The following HSD11B1 variants were observed in gnomAD, a reference collection of about 807,000 sequenced individuals.
HSD11B1 encodes the protein 11-beta-hydroxysteroid dehydrogenase 1.
Under a neutral mutation model 22.1 loss-of-function variants are expected in HSD11B1, and 15 were observed. The ratio of observed to expected loss-of-function variants is 0.68; its 90% CI spans 0.45 to 1.04. HSD11B1 has a LOEUF of 1.04. HSD11B1 is among the 50% of genes least tolerant of loss of function. The pLI, the probability that HSD11B1 is intolerant of heterozygous loss-of-function variation, is 0.00. For missense variants in HSD11B1, 281 were observed against 357.6 expected (o/e 0.79, Z 1.73); for synonymous variants, 122 against 125.2 (o/e 0.97, Z 0.17).
chr1:209,697,688 G>A (rs2076798658), intron 1 of HSD11B1, among the ~76,000 whole-genome samples: 1 of 152,048 alleles, frequency 6.6e-6, no homozygotes, highest in African/African-American at 2.4e-5. Context: ...TGGCCAGGAT[G>A]CTGGGCTCCA....
upstream of HSD11B1, among the ~76,000 whole-genome samples, chr1:209,701,145 G>A (rs181509681): frequency 7.2e-5 from 11 of 152,102 alleles, no homozygotes; most frequent in East Asian, 1.2e-3. Flanking sequence ...CACTCTACTC[G>A]TACCAATTTA....
At chr1:209,731,712 G>C (rs925746446) in intron 4 of HSD11B1, among the ~76,000 whole-genome samples, 1 of 152,078 alleles carries the variant, frequency 6.6e-6, no homozygotes, top group African/African-American at 2.4e-5. Flanking sequence ...GCAAAGACAG[G>C]ATTCTGTTTT....
intron 4 of HSD11B1, among the ~76,000 whole-genome samples, chr1:209,727,984 T>A (rs1026009327): frequency 6.6e-6 from 1 of 152,192 alleles, no homozygotes; most frequent in East Asian, 1.9e-4. Context: ...TTCAAGCCAG[T>A]GTGCATATTC....
At chr1:209,731,135 T>G (rs1571888516) in intron 4 of HSD11B1, among the ~76,000 whole-genome samples, 1 of 152,360 alleles carries the variant, frequency 6.6e-6, no homozygotes, top group East Asian at 1.9e-4. Flanking sequence ...AGAGTCACAG[T>G]GGAGAAACAC....
In HSD11B1 at chr1:209,706,418, T is replaced by A. The variant is rs2076859190; in HGVS notation, c.220-291T>A. 6.6e-6 allele frequency among the ~76,000 whole-genome samples: 1 copy of A among 152,164 alleles called. No individual in the cohort carries two copies. On this transcript the variant is annotated intron_variant, in intron 2 of 5. Coordinates refer to ENST00000367027, the MANE Select transcript of HSD11B1 (RefSeq NM_005525.4). This position sits in a 1 kb window ranked among gnomAD's most constrained non-coding sequence, Gnocchi z 4.0. Reference sequence around the variant, plus strand: ...ACATAGTAACCAGCATCTACACTCATAATGCCCTCAGAAATGCCTATTCAC... The same window carrying A: ...ACATAGTAACCAGCATCTACACTCAAAATGCCCTCAGAAATGCCTATTCAC...
At chr1:209,695,457 TC>T (rs1330389334) in intron 1 of HSD11B1, among the ~76,000 whole-genome samples, 1 of 152,078 alleles carries the variant, frequency 6.6e-6, no homozygotes, top group Non-Finnish European at 1.5e-5. Context: ...GAAATAGAGA[TC>T]AATGGGAAAT....
chr1:209,734,345 G>A lies in HSD11B1; in HGVS notation c.703G>A (p.Ala235Thr), dbSNP rs776120284. 1 of 1,614,100 alleles carries A rather than the reference G, an allele frequency of 6.2e-7. No individual in the cohort carries two copies. Among genetic ancestry groups the A allele is most frequent in the South Asian group, 1.1e-5 (1 of 91,088 alleles). The change falls in exon 6 of 6, where the codon GCA becomes ACA. Residue 235 changes from alanine to threonine, a missense_variant. By Grantham distance (58) the Ala-to-Thr change is moderately conservative (BLOSUM62 0). Transcript: ENST00000367027. Reference protein sequence around the residue: ...KAVSGIVHMQAAPKEECALEI... With the variant: ...KAVSGIVHMQTAPKEECALEI... ...AGTTTCTGGGATAGTCCATATGCAA[G>A]CAGCTCCAAAGGAGGAATGTGCCCT...
upstream of HSD11B1, among the ~76,000 whole-genome samples, chr1:209,703,152 T>C (rs574871848): frequency 6.6e-6 from 1 of 152,340 alleles, no homozygotes; most frequent in South Asian, 2.1e-4. Context: ...GTTTTCTTAA[T>C]GGACTTTAAA....
intron 1 of HSD11B1, among the ~76,000 whole-genome samples, chr1:209,705,367 G>A (rs2076850793): frequency 7.1e-6 from 1 of 139,940 alleles, no homozygotes; most frequent in African/African-American, 2.8e-5. Flanking sequence ...CTGATAAGTG[G>A]GAGGCAAAAA....
Position 209,732,416 on chromosome 1 carries a change from T to C in HSD11B1, c.518-20T>C. ...GAAATGGGCAGCCTTATTAACCCAT[T>C]TCTTTAATCTGTCATTTAGGGAAAG... is the stretch of plus-strand genomic sequence containing the variant. On this transcript the variant is annotated intron_variant, in intron 4 of 5. Transcript: ENST00000367027. The C allele has an allele frequency of 6.2e-7, 1 of 1,614,012 alleles. No individual in the cohort carries two copies. Among genetic ancestry groups the C allele is most frequent in the Admixed American group, 1.7e-5 (1 of 60,010 alleles).
intron 1 of HSD11B1, among the ~76,000 whole-genome samples, chr1:209,690,589 C>G (rs1015590897): frequency 2.6e-5 from 4 of 151,890 alleles, no homozygotes; most frequent in African/African-American, 4.8e-5. Context: ...CCCATCTACT[C>G]AGGAGGCTGA....
chr1:209,708,568 G>A (rs1404032057), intron 4 of HSD11B1, among the ~76,000 whole-genome samples: 1 of 152,202 alleles, frequency 6.6e-6, no homozygotes, highest in Non-Finnish European at 1.5e-5. Flanking sequence ...GCTTCCAGAT[G>A]CATACTGAGT....
intron 4 of HSD11B1, among the ~76,000 whole-genome samples, chr1:209,707,552 G>A (rs1301363154): frequency 3.3e-5 from 5 of 151,978 alleles, no homozygotes; most frequent in Admixed American, 6.6e-5. Context: ...TGAGAGGCAC[G>A]CATCCTGAGT....
At chr1:209,720,135 C>G (rs967484325) in intron 4 of HSD11B1, among the ~76,000 whole-genome samples, 1 of 151,644 alleles carries the variant, frequency 6.6e-6, no homozygotes, top group African/African-American at 2.4e-5. Flanking sequence ...TAAGTACCAC[C>G]CGAAAAACAA....
intron 4 of HSD11B1, among the ~76,000 whole-genome samples, chr1:209,729,486 A>G (rs2077022932): frequency 6.6e-6 from 1 of 152,086 alleles, no homozygotes; most frequent in African/African-American, 2.4e-5. Flanking sequence ...CCTTCCTTCT[A>G]TCTAAACTAT....
chr1:209,713,618 C>G (rs1456603190), intron 4 of HSD11B1, among the ~76,000 whole-genome samples: 2 of 152,128 alleles, frequency 1.3e-5, no homozygotes, highest in South Asian at 2.1e-4. Context: ...TACCAAAATC[C>G]ATGGATGCTC....
chr1:209,696,967 A>G (rs1284468108), intron 1 of HSD11B1, among the ~76,000 whole-genome samples: 1 of 152,194 alleles, frequency 6.6e-6, no homozygotes, highest in African/African-American at 2.4e-5. Flanking sequence ...AAGATTCAGA[A>G]TTTTTTGCAT....
chr1:209,718,973 T>G (rs1473157232), intron 4 of HSD11B1, among the ~76,000 whole-genome samples: 1 of 121,590 alleles, frequency 8.2e-6, no homozygotes, highest in East Asian at 2.8e-4. Context: ...TGAGCCAAGA[T>G]CATGCCACTG....
chr1:209,719,541 GC>G (rs2076952103), intron 4 of HSD11B1, among the ~76,000 whole-genome samples: 1 of 152,172 alleles, frequency 6.6e-6, no homozygotes. Context: ...TGTACTGAAT[GC>G]CCCCGAACTG....
Sources: gnomAD v4.1 joint callset for allele counts (sites outside exome capture counted in the v4.1 genomes callset) on GRCh38, gnomAD v4.1.1 for gene constraint, Gnocchi (gnomAD v3.1) non-coding constraint, MANE v1.5 for transcripts, NCBI Gene and HGNC (gene_info 2026-07-23, HGNC 2026-07-21) for gene names.